Variants in MAPKAPK5 observed in about 807,000 individuals in gnomAD.
The protein encoded by MAPKAPK5 is MAP kinase-activated protein kinase 5.
Under a neutral mutation model 65.1 loss-of-function variants are expected in MAPKAPK5, and 30 were observed. The ratio of observed to expected loss-of-function variants is 0.46; its 90% CI spans 0.34 to 0.63. MAPKAPK5 has a LOEUF of 0.63. Ranked by LOEUF, MAPKAPK5 falls within the 20% of genes least tolerant of loss-of-function variation. MAPKAPK5 has a pLI of 0.01. For missense variants in MAPKAPK5, 433 were observed against 581.4 expected (o/e 0.74, Z 2.63); for synonymous variants, 179 against 204.6 (o/e 0.87, Z 1.07).
At chr12:111,874,130 C>G (rs972260206) in intron 7 of MAPKAPK5, among the ~76,000 whole-genome samples, 2 of 152,090 alleles carry the variant, frequency 1.3e-5, no homozygotes, top group African/African-American at 4.8e-5. Context: ...CGTGGTGGTT[C>G]ACGCCTGTTA....
In MAPKAPK5 at chr12:111,842,678, G is replaced by C. The variant is rs907027944; in HGVS notation, c.-56G>C. The C allele has an allele frequency of 3.8e-6, 5 of 1,311,176 alleles. No individual in the cohort carries two copies. The highest frequency in any genetic ancestry group is 4.9e-6 in the Non-Finnish European group (5 of 1,018,464). The allele number at this position is 1,311,176 out of a possible 1,614,324, so 81.2% of individuals were successfully genotyped here. A position where few individuals can be genotyped will look rare whatever the true frequency, so the allele number is the denominator to read the frequency against. On this transcript the variant is annotated 5_prime_UTR_variant, in exon 1 of 14. Transcript: ENST00000550735. ...AGCCCTTTGCTCCCTCGGCCGCGCG[G>C]GGACAGGGCTGCTGAGCAGCCTCCG...
rs11066063 is a variant in MAPKAPK5 at position 111,884,144 on chromosome 12, A to G, written c.848+376A>G. On this transcript the variant is annotated intron_variant, in intron 9 of 13. Coordinates refer to ENST00000550735, the MANE Select transcript of MAPKAPK5 (RefSeq NM_003668.4). ...AGGTGAACTAGGTGCCGAGATGACA[A>G]ACAGCATCCTTGGATGCTGTGGTTA... is the stretch of plus-strand genomic sequence containing the variant. Among the ~76,000 whole-genome samples the G allele has an allele frequency of 0.056, 8,480 of 152,140 alleles. 1,310 individuals carry two copies. In the East Asian group the frequency reaches 0.61, roughly 11 times the overall value.
chr12:111,866,199 ATTC>A lies in MAPKAPK5; in HGVS notation c.160_162del (p.Leu54del). The A allele has an allele frequency of 2.5e-6, 4 of 1,612,482 alleles. No individual in the cohort carries two copies. The highest frequency in any genetic ancestry group is 1.7e-5 in the Admixed American group (1 of 59,830). On this transcript the variant is annotated inframe_deletion, in exon 3 of 14. Coordinates refer to ENST00000550735, the MANE Select transcript of MAPKAPK5 (RefSeq NM_003668.4). The stretch of plus-strand genomic sequence containing the variant: ...TACTCAAGAACGGTTTGCGCTGAAA[ATTC>A]TTCTTGATCGTCCAAAAGCTAGAAA...
chr12:111,844,349 C>G (rs1414959400), intron 1 of MAPKAPK5, among the ~76,000 whole-genome samples: 1 of 151,664 alleles, frequency 6.6e-6, no homozygotes, highest in South Asian at 2.1e-4. Flanking sequence ...TGCCACCACA[C>G]CCAGCTAATT....
In MAPKAPK5 at chr12:111,842,651, C is replaced by A; in HGVS notation, c.-83C>A. ...CCACGAGGCCCAGGGGCCCGAGTGC[C>A]GAGCCCTTTGCTCCCTCGGCCGCGC... On this transcript the variant is annotated 5_prime_UTR_variant, in exon 1 of 14. Coordinates refer to ENST00000550735, the MANE Select transcript of MAPKAPK5 (RefSeq NM_003668.4). The A allele has an allele frequency of 9.3e-7, 1 of 1,076,270 alleles. No individual in the cohort carries two copies. Among genetic ancestry groups the A allele is most frequent in the Non-Finnish European group, 1.2e-6 (1 of 823,736 alleles). The allele number at this position is 1,076,270 out of a possible 1,614,324, so 66.7% of individuals were successfully genotyped here. A position where few individuals can be genotyped will look rare whatever the true frequency, so the allele number is the denominator to read the frequency against.
chr12:111,901,224 A>T lies in MAPKAPK5; in HGVS notation c.*8163A>T. The T allele has an allele frequency of 2.2e-6, 1 of 456,078 alleles. No homozygotes were observed. Among genetic ancestry groups the T allele is most frequent in the Non-Finnish European group, 4.4e-6 (1 of 226,790 alleles). The allele number at this position is 456,078 out of a possible 1,614,324, so 28.3% of individuals were successfully genotyped here. Reference sequence around the variant, plus strand: ...CAAAGTCTGCCTGAATTCCGCCTGCACAGATAAAACCCCAGTGATTTCTGC... The same window carrying T: ...CAAAGTCTGCCTGAATTCCGCCTGCTCAGATAAAACCCCAGTGATTTCTGC... On this transcript the variant is annotated 3_prime_UTR_variant, in exon 14 of 14. Coordinates refer to ENST00000550735, the MANE Select transcript of MAPKAPK5 (RefSeq NM_003668.4).
intron 8 of MAPKAPK5, among the ~76,000 whole-genome samples, chr12:111,881,549 C>T (rs1272193489): frequency 4.6e-5 from 7 of 151,886 alleles, no homozygotes; most frequent in South Asian, 2.1e-4. Context: ...GGATTACAGG[C>T]GCCTGCCACC....
rs2069688909 is a variant in MAPKAPK5 at position 111,868,753 on chromosome 12, G to C, written c.285G>C (p.Arg95Ser). ...SVQFPHESSP[R>S]ARLLIVMEMM... ...AACAAAATCAAATGCTTTCAAACAG[G>C]GCCCGACTCTTAATTGTAATGGAGA... The change falls in exon 5 of 14, where the codon AGG becomes AGC. Residue 95 changes from arginine to serine, a missense_variant and splice_region_variant. Arg to Ser is a moderately radical substitution (Grantham distance 110). This residue lies in a region of MAPKAPK5 where 165 missense variants were observed against 180.0 expected (regional missense o/e 0.92). Coordinates refer to ENST00000550735, the MANE Select transcript of MAPKAPK5 (RefSeq NM_003668.4). 6.5e-7 allele frequency: 1 copy of C among 1,549,432 alleles called. No individual in the cohort carries two copies. The highest frequency in any genetic ancestry group is 2.4e-5 in the East Asian group (1 of 41,216).
Position 111,893,711 on chromosome 12 carries a change from T to C in MAPKAPK5, c.*650T>C, listed in dbSNP as rs1315814810. The stretch of plus-strand genomic sequence containing the variant: ...CTAACAGGGTTTTCTTTTGGGTTTA[T>C]TCTTTTTTTTTTTTTTTTTTTGAGA... On this transcript the variant is annotated 3_prime_UTR_variant, in exon 14 of 14. Coordinates refer to ENST00000550735, the MANE Select transcript of MAPKAPK5 (RefSeq NM_003668.4). The C allele has an allele frequency of 6.7e-6, 1 of 149,786 alleles. No homozygotes were observed. Among genetic ancestry groups the C allele is most frequent in the Non-Finnish European group, 1.5e-5 (1 of 67,524 alleles). The allele number at this position is 149,786 out of a possible 1,614,324, so 9.3% of individuals were successfully genotyped here. A position where few individuals can be genotyped will look rare whatever the true frequency, so the allele number is the denominator to read the frequency against.
At chr12:111,888,116 C>CT in intron 10 of MAPKAPK5, 1 of 221,162 alleles carries the variant, frequency 4.5e-6, no homozygotes, top group Non-Finnish European at 9.0e-6. Context: ...TGAGGTGAAT[C>CT]AATACCGTCT....
At chr12:111,874,434 A>G (rs1427832414) in intron 7 of MAPKAPK5, among the ~76,000 whole-genome samples, 1 of 149,730 alleles carries the variant, frequency 6.7e-6, no homozygotes, top group Non-Finnish European at 1.5e-5. Context: ...TAACTAGTTT[A>G]TAGAAATACT....
intron 1 of MAPKAPK5, among the ~76,000 whole-genome samples, chr12:111,844,654 T>G (rs755031627): frequency 3.3e-5 from 5 of 152,234 alleles, no homozygotes; most frequent in Non-Finnish European, 7.3e-5. Flanking sequence ...ATGTCCCTAC[T>G]GTCATGTAGC....
At position 111,842,371 on chromosome 12, in the gene MAPKAPK5, A is replaced by G. The variant is rs1593104793; in HGVS notation, c.-363A>G. The G allele has an allele frequency of 5.8e-6, 1 of 173,306 alleles. No individual in the cohort carries two copies. Among genetic ancestry groups the G allele is most frequent in the East Asian group, 1.5e-4 (1 of 6,734 alleles). The allele number at this position is 173,306 out of a possible 1,614,324, so 10.7% of individuals were successfully genotyped here. A position where few individuals can be genotyped will look rare whatever the true frequency, so the allele number is the denominator to read the frequency against. On this transcript the variant is annotated 5_prime_UTR_variant, in exon 1 of 14. It removes the in-frame stop codon of an upstream open reading frame in the 5' UTR. Coordinates refer to ENST00000550735, the MANE Select transcript of MAPKAPK5 (RefSeq NM_003668.4). ...TTAGGACCTGGCGAGCCCAGGTCTA[A>G]GCGGCGGCCCCGCGAGGCCCTTGCA... is the stretch of plus-strand genomic sequence containing the variant.
At chr12:111,843,744 C>T (rs1280074465) in intron 1 of MAPKAPK5, among the ~76,000 whole-genome samples, 9 of 152,130 alleles carry the variant, frequency 5.9e-5, no homozygotes, top group Admixed American at 4.6e-4. Flanking sequence ...CAAGTCATTC[C>T]AAAGAAACTT....
intron 1 of MAPKAPK5, among the ~76,000 whole-genome samples, chr12:111,850,027 A>C (rs2069027031): frequency 7.0e-6 from 1 of 142,272 alleles, no homozygotes; most frequent in Non-Finnish European, 1.5e-5. Context: ...ACTGGTTGTG[A>C]AATATCCTTT....
chr12:111,844,213 C>T (rs745878327), intron 1 of MAPKAPK5, among the ~76,000 whole-genome samples: 21 of 149,140 alleles, frequency 1.4e-4, no homozygotes, highest in Admixed American at 3.4e-4. Context: ...TTTTTTGAGT[C>T]GGAGTCTGGC....
At chr12:111,844,197 GT>G (rs902570812) in intron 1 of MAPKAPK5, among the ~76,000 whole-genome samples, 14 of 140,492 alleles carry the variant, frequency 1.0e-4, no homozygotes, top group African/African-American at 1.3e-4. Context: ...TTTGGGTTTT[GT>G]TTTTTTTTTT....
chr12:111,880,610 G>C, intron 8 of MAPKAPK5, 83 bp downstream of exon 8: 4 of 1,204,508 alleles, frequency 3.3e-6, no homozygotes, highest in Non-Finnish European at 4.9e-6. Context: ...TGGGAGTGTG[G>C]CCAATTCCTT....
chr12:111,868,818 A>G lies in MAPKAPK5; in HGVS notation c.350A>G (p.His117Arg), dbSNP rs1347003500. The G allele has an allele frequency of 6.4e-7, 1 of 1,567,946 alleles. No homozygotes were observed. The highest frequency in any genetic ancestry group is 1.2e-5 in the South Asian group (1 of 84,922). Residue 117 changes from histidine (H) to arginine (R), a missense_variant, in exon 5 of 14, where the codon CAC becomes CGC. Physicochemically the swap from His to Arg is conservative, Grantham distance 29. Transcript: ENST00000550735. ...GGELFHRISQ[H>R]RHFTEKQASQ... ...GAGCTATTTCACAGAATCAGCCAGCACCGGCACTTTACAGAGAAGCAAGCC... is the reference window on the plus strand; with the variant it reads ...GAGCTATTTCACAGAATCAGCCAGCGCCGGCACTTTACAGAGAAGCAAGCC...
Sources: gnomAD v4.1 joint callset for allele counts (sites outside exome capture counted in the v4.1 genomes callset) on GRCh38, gnomAD v4.1.1 for gene constraint, gnomAD v4.1.1 regional missense constraint, MANE v1.5 for transcripts, NCBI Gene and HGNC (gene_info 2026-07-23, HGNC 2026-07-21) for gene names.